DISP1: variants seen among roughly 807,000 people sequenced by gnomAD.
DISP1 encodes protein dispatched homolog 1.
DISP1 carries 30 observed loss-of-function variants against 37.3 expected under a neutral mutation model. That is an observed-to-expected ratio of 0.80 (90% confidence interval 0.60 to 1.09). The LOEUF (loss-of-function observed/expected upper bound fraction) is 1.09, where lower values mean the gene tolerates loss of function less well. Among genes scored for constraint, DISP1 ranks in the 50% least tolerant of loss-of-function variants. The probability of loss-of-function intolerance (pLI) is 0.00; values close to 1 mark genes in which losing one functional copy is unlikely to be tolerated. For synonymous variants in DISP1, 634 were observed against 690.2 expected (o/e 0.92, Z 1.28); for missense variants, 1,598 against 1,879.5 (o/e 0.85, Z 2.77).
chr1:222,974,725 A>C (rs1232191651), intron 3 of DISP1, among the ~76,000 whole-genome samples: 2 of 152,202 alleles, frequency 1.3e-5, no homozygotes, highest in African/African-American at 4.8e-5. Flanking sequence ...GCTCTGGTGC[A>C]TGAAAAATGG....
chr1:222,942,736 A>G, intron 2 of DISP1, 71 bp from the exon 3 acceptor site: 1 of 1,567,822 alleles, frequency 6.4e-7, no homozygotes, highest in East Asian at 2.2e-5. Flanking sequence ...GTTTTTAAAT[A>G]TCATACTTGT....
At chr1:222,956,560 A>G (rs1223974286) in intron 3 of DISP1, among the ~76,000 whole-genome samples, 2 of 152,116 alleles carry the variant, frequency 1.3e-5, no homozygotes, top group East Asian at 3.9e-4. Flanking sequence ...TTTATGAAGT[A>G]TGGTTTGATT....
At chr1:222,993,056 T>C (rs1442434190) in intron 7 of DISP1, among the ~76,000 whole-genome samples, 1 of 151,888 alleles carries the variant, frequency 6.6e-6, no homozygotes, top group Non-Finnish European at 1.5e-5. Context: ...GAGACGGGGT[T>C]TCTCCATCCG....
At chr1:222,852,581 TAAGAA>T (rs1412813783) in intron 1 of DISP1, among the ~76,000 whole-genome samples, 1 of 152,200 alleles carries the variant, frequency 6.6e-6, no homozygotes, top group Non-Finnish European at 1.5e-5. Context: ...AGAACTCCTC[TAAGAA>T]AAGGAGATAA....
intron 1 of DISP1, among the ~76,000 whole-genome samples, chr1:222,845,800 T>G (rs867541730): frequency 2.0e-5 from 3 of 152,330 alleles, no homozygotes; most frequent in Middle Eastern, 6.8e-3. Flanking sequence ...ATATAACTTT[T>G]GGGATAGAAA....
rs1473382092 is a variant in DISP1, at chr1:222,990,613, T to C, written c.540-12T>C. 2 of 1,613,898 alleles carry C rather than the reference T, an allele frequency of 1.2e-6. No homozygotes were observed. Among genetic ancestry groups the C allele is most frequent in the Non-Finnish European group, 1.7e-6 (2 of 1,179,854 alleles). Reference sequence around the variant, plus strand: ...GCAGCTCTGATAGCCGACACTTCTTTGTGTTTTGTAGTTATGCAGCCCTGA... The same window carrying C: ...GCAGCTCTGATAGCCGACACTTCTTCGTGTTTTGTAGTTATGCAGCCCTGA... On this transcript the variant is annotated splice_polypyrimidine_tract_variant and intron_variant, in intron 4 of 8. Transcript: ENST00000675850.
At chr1:222,857,965 G>A (rs1293714305) in intron 1 of DISP1, among the ~76,000 whole-genome samples, 1 of 152,134 alleles carries the variant, frequency 6.6e-6, no homozygotes, top group Non-Finnish European at 1.5e-5. Flanking sequence ...AAGAGGTCAT[G>A]TAGCCAAGAC....
chr1:222,819,186 C>T (rs1018311876), intron 1 of DISP1, among the ~76,000 whole-genome samples: 1 of 152,186 alleles, frequency 6.6e-6, no homozygotes, highest in Admixed American at 6.5e-5. Flanking sequence ...CCATGTAGGA[C>T]ACACTGGTTT....
At chr1:222,942,680 T>C (rs1674469939) in intron 2 of DISP1, 127 bp from the exon 3 acceptor site, 2 of 1,070,598 alleles carry the variant, frequency 1.9e-6, no homozygotes, top group Admixed American at 4.1e-5. Context: ...GCGGAATTTC[T>C]ACCACTGTCT....
At chr1:222,909,473 G>A (rs1173613618) in intron 1 of DISP1, among the ~76,000 whole-genome samples, 1 of 152,124 alleles carries the variant, frequency 6.6e-6, no homozygotes. Flanking sequence ...CCATTGACAT[G>A]TTTGCATATA....
intron 2 of DISP1, among the ~76,000 whole-genome samples, chr1:222,941,187 A>G (rs1674360321): frequency 6.6e-6 from 1 of 151,948 alleles, no homozygotes; most frequent in African/African-American, 2.4e-5. Flanking sequence ...TATCTACCCT[A>G]CCTCCTGCTA....
At chr1:222,947,593 A>G (rs1674887791) in intron 3 of DISP1, among the ~76,000 whole-genome samples, 1 of 152,182 alleles carries the variant, frequency 6.6e-6, no homozygotes, top group South Asian at 2.1e-4. Flanking sequence ...ACTGGAGCAT[A>G]TGGTAATTCT....
intron 1 of DISP1, among the ~76,000 whole-genome samples, chr1:222,903,385 A>T (rs899509869): frequency 6.6e-6 from 1 of 151,844 alleles, no homozygotes; most frequent in South Asian, 2.1e-4. Context: ...CCAACGTGGC[A>T]TATGTATACA....
chr1:222,907,690 G>A (rs1255594432), intron 1 of DISP1, among the ~76,000 whole-genome samples: 2 of 152,204 alleles, frequency 1.3e-5, no homozygotes, highest in African/African-American at 4.8e-5. Context: ...AGTGGCTCAT[G>A]CCTGTAATCC....
chr1:222,902,520 C>G (rs35255464), intron 1 of DISP1, among the ~76,000 whole-genome samples: 9,752 of 152,028 alleles, frequency 0.064, 470 homozygotes, highest in East Asian at 0.24. Context: ...AACAGGCAAC[C>G]TACAAAATGG....
chr1:222,822,016 C>A (rs556229852), intron 1 of DISP1, among the ~76,000 whole-genome samples: 2 of 152,276 alleles, frequency 1.3e-5, no homozygotes, highest in Non-Finnish European at 2.9e-5. Context: ...GTCTCCCCTG[C>A]CATGCAGAAC....
At chr1:222,848,560 G>T (rs925559918) in intron 1 of DISP1, among the ~76,000 whole-genome samples, 3 of 152,044 alleles carry the variant, frequency 2.0e-5, no homozygotes, top group African/African-American at 7.2e-5. Context: ...TCCAATATTA[G>T]ATAAAGTTAA....
In DISP1 at chr1:222,933,009, A is replaced by C. The variant is rs150837610; in HGVS notation, c.-18+4439A>C. On this transcript the variant is annotated intron_variant, in intron 2 of 8. Transcript: ENST00000675850. ...TTGGATGTAAAACAAAATGAGAAAA[A>C]TGAAATTGATGTTTCTACAACCCTG... Among the ~76,000 whole-genome samples the C allele has an allele frequency of 2.6e-3, 390 of 152,100 alleles. 1 individual carries two copies. Among genetic ancestry groups the C allele is most frequent in the African/African-American group, 9.1e-3 (378 of 41,576 alleles).
chr1:222,878,853 G>T (rs1052038828), intron 1 of DISP1, among the ~76,000 whole-genome samples: 4 of 152,070 alleles, frequency 2.6e-5, no homozygotes, highest in Admixed American at 2.6e-4. Context: ...AGCTTAAAAA[G>T]ATCTTTAAGG....
Sources: allele counts gnomAD v4.1 joint callset (sites outside exome capture counted in the v4.1 genomes callset), GRCh38; gene constraint gnomAD v4.1.1; transcripts MANE v1.5; gene names NCBI Gene and HGNC (gene_info 2026-07-23, HGNC 2026-07-21).